Variants in CCDC192 observed in about 807,000 individuals in gnomAD.
CCDC192 encodes coiled-coil domain containing 192, also known as coiled-coil domain-containing protein 192.
chr5:127,816,529 T>C (rs1749034096), intron 5 of CCDC192, among the ~76,000 whole-genome samples: 1 of 152,146 alleles, frequency 6.6e-6, no homozygotes, highest in Non-Finnish European at 1.5e-5. Flanking sequence ...GATTTGGAAA[T>C]GGAAGCTGAA....
chr5:127,759,218 G>A (rs917415894), intron 3 of CCDC192, among the ~76,000 whole-genome samples: 1 of 152,168 alleles, frequency 6.6e-6, no homozygotes. Context: ...TATTAAATGG[G>A]ATAGGTATCT....
intron 5 of CCDC192, among the ~76,000 whole-genome samples, chr5:127,804,032 C>T (rs954749337): frequency 6.6e-6 from 1 of 152,202 alleles, no homozygotes; most frequent in Non-Finnish European, 1.5e-5. Flanking sequence ...GCATGGGAGG[C>T]ACCCAGGACG....
At chr5:127,898,488 A>C (rs749198416) in intron 6 of CCDC192, among the ~76,000 whole-genome samples, 12 of 152,250 alleles carry the variant, frequency 7.9e-5, no homozygotes, top group African/African-American at 1.7e-4. Flanking sequence ...GCTTGTTTGT[A>C]GGTGTAGTAA....
intron 5 of CCDC192, among the ~76,000 whole-genome samples, chr5:127,804,308 A>G (rs1175384032): frequency 6.6e-6 from 1 of 152,124 alleles, no homozygotes; most frequent in African/African-American, 2.4e-5. Flanking sequence ...CATCTCTCCC[A>G]CTATGTGCAA....
upstream of CCDC192, among the ~76,000 whole-genome samples, chr5:127,702,382 A>G (rs929780008): frequency 2.6e-5 from 4 of 152,146 alleles, no homozygotes; most frequent in Non-Finnish European, 4.4e-5. Flanking sequence ...ACAACTACCC[A>G]TTTAGTGTTG....
chr5:127,829,393 C>A (rs1208719013), intron 5 of CCDC192, among the ~76,000 whole-genome samples: 1 of 129,808 alleles, frequency 7.7e-6, no homozygotes, highest in East Asian at 2.4e-4. Context: ...TTATAAACAT[C>A]CTTTGGAATC....
chr5:127,709,202 GGAGAGAGAGAGAGAGAGAGAGAGAGAGA>G (rs201676720), intron 2 of CCDC192, among the ~76,000 whole-genome samples: 4 of 85,690 alleles, frequency 4.7e-5, no homozygotes, highest in Non-Finnish European at 6.3e-5. Context: ...GGAGAGAGGG[GGAGAGAGAGAGAGAGAGAGAGAGAGAGA>G]GAGAGAGAGA....
At chr5:127,782,426 T>C (rs1756282651) in intron 3 of CCDC192, among the ~76,000 whole-genome samples, 1 of 152,180 alleles carries the variant, frequency 6.6e-6, no homozygotes, top group Non-Finnish European at 1.5e-5. Context: ...AAAATTCTGC[T>C]GTAAATTCAT....
chr5:127,797,655 A>G (rs933229074), intron 4 of CCDC192, among the ~76,000 whole-genome samples: 21 of 149,844 alleles, frequency 1.4e-4, no homozygotes, highest in Admixed American at 1.1e-3. Flanking sequence ...TAAAATATAT[A>G]TCATTATGTA....
intron 2 of CCDC192, among the ~76,000 whole-genome samples, chr5:127,746,574 A>T (rs1360080199): frequency 6.6e-6 from 1 of 151,234 alleles, no homozygotes; most frequent in East Asian, 1.9e-4. Flanking sequence ...ACATGTATTC[A>T]TCTCTAAGTG....
chr5:127,752,798 C>G (rs764160565), intron 2 of CCDC192, among the ~76,000 whole-genome samples: 1 of 152,142 alleles, frequency 6.6e-6, no homozygotes, highest in African/African-American at 2.4e-5. Flanking sequence ...GAGCCAGGTG[C>G]GAGATATAAT....
intron 2 of CCDC192, chr5:127,740,092 A>T (rs1283128146): frequency 6.6e-6 from 1 of 152,334 alleles, no homozygotes. Context: ...TGAGATGGGA[A>T]ATTATCCAAA....
At position 127,727,417 on chromosome 5, in the gene CCDC192, A is replaced by C. The variant is rs141540283; in HGVS notation, c.114+19657A>C. On this transcript the variant is annotated intron_variant, in intron 2 of 6. Coordinates refer to ENST00000514853, the MANE Select transcript of CCDC192 (RefSeq NM_001317938.2). Reference sequence around the variant, plus strand: ...AACCCAGGAGGCAGAGGTTGCGGAGAGCTGAGATCATGCCATTGCACTTCA... The same window carrying C: ...AACCCAGGAGGCAGAGGTTGCGGAGCGCTGAGATCATGCCATTGCACTTCA... 3.2e-3 allele frequency among the ~76,000 whole-genome samples: 488 copies of C among 152,202 alleles called. 3 individuals are homozygous for C. The highest frequency in any genetic ancestry group is 0.011 in the African/African-American group (443 of 41,530).
chr5:127,883,867 G>C (rs1223355136), intron 6 of CCDC192, among the ~76,000 whole-genome samples: 1 of 152,172 alleles, frequency 6.6e-6, no homozygotes, highest in Non-Finnish European at 1.5e-5. Flanking sequence ...AGTTGAAGCA[G>C]GAAAGGGATG....
intron 5 of CCDC192, among the ~76,000 whole-genome samples, chr5:127,812,884 C>G (rs1758156022): frequency 6.6e-6 from 1 of 152,192 alleles, no homozygotes. Context: ...TCCACCTTTG[C>G]TGCCCTAACC....
At chr5:127,893,047 G>A (rs1292074615) in intron 6 of CCDC192, among the ~76,000 whole-genome samples, 3 of 152,158 alleles carry the variant, frequency 2.0e-5, no homozygotes, top group African/African-American at 7.2e-5. Flanking sequence ...CTAAGAATGA[G>A]TCATAGTCTC....
At chr5:127,727,860 G>T (rs1002328719) in intron 2 of CCDC192, among the ~76,000 whole-genome samples, 2 of 142,672 alleles carry the variant, frequency 1.4e-5, no homozygotes, top group Non-Finnish European at 2.9e-5. Flanking sequence ...TGACCTGATG[G>T]AGCTGAAAAA....
At chr5:127,918,354 G>C (rs142717082) in intron 6 of CCDC192, among the ~76,000 whole-genome samples, 71 of 151,796 alleles carry the variant, frequency 4.7e-4, no homozygotes, top group African/African-American at 1.7e-3. Context: ...CTGAAGTTTT[G>C]TATCTTGAAA....
chr5:127,837,206 T>C (rs1750066753), intron 5 of CCDC192, among the ~76,000 whole-genome samples: 1 of 81,436 alleles, frequency 1.2e-5, no homozygotes, highest in Admixed American at 1.2e-4. Context: ...CTCTCTGAGA[T>C]ACCAAATTAC....
Sources: allele counts gnomAD v4.1 joint callset (sites outside exome capture counted in the v4.1 genomes callset), GRCh38; gene constraint gnomAD v4.1.1; transcripts MANE v1.5; gene names NCBI Gene and HGNC (gene_info 2026-07-23, HGNC 2026-07-21).